SPRED2: variants seen among roughly 807,000 people sequenced by gnomAD.
SPRED2 encodes the protein sprouty related EVH1 domain containing 2, also known as sprouty-related, EVH1 domain-containing protein 2.
Under a neutral mutation model 43.0 loss-of-function variants are expected in SPRED2, and 47 were observed. The observed-to-expected ratio is 1.09, with a 90% CI of 0.87 to 1.40. SPRED2 has a LOEUF of 1.40. SPRED2 is among the 40% of genes most tolerant of loss of function. The pLI is 0.00. For synonymous variants in SPRED2, 225 were observed against 225.7 expected (o/e 1.00, Z 0.03); for missense variants, 561 against 586.4 (o/e 0.96, Z 0.45).
At chr2:65,341,541 G>T (rs563484685) in intron 2 of SPRED2, among the ~76,000 whole-genome samples, 1 of 152,146 alleles carries the variant, frequency 6.6e-6, no homozygotes, top group Non-Finnish European at 1.5e-5. Context: ...GAGCTCAAAC[G>T]CAGGCTCTGC....
chr2:65,366,778 TGA>T, intron 1 of SPRED2: 1 of 1,356,128 alleles, frequency 7.4e-7, no homozygotes, highest in South Asian at 2.0e-5. Context: ...TTGTACCGGA[TGA>T]GTCATCCGAG....
At chr2:65,409,622 A>G (rs1412385501) in intron 1 of SPRED2, among the ~76,000 whole-genome samples, 1 of 146,050 alleles carries the variant, frequency 6.8e-6, no homozygotes, top group African/African-American at 2.5e-5. Context: ...TGACATCCTC[A>G]CTTCTAGTAA....
chr2:65,431,414 C>G (rs942060696), intron 1 of SPRED2, among the ~76,000 whole-genome samples: 1 of 151,926 alleles, frequency 6.6e-6, no homozygotes, highest in Admixed American at 6.6e-5. Flanking sequence ...CACCAGACCC[C>G]CGCGCAGCCC....
intron 1 of SPRED2, among the ~76,000 whole-genome samples, chr2:65,427,964 G>A (rs34635563): frequency 0.12 from 18,373 of 152,200 alleles, 1,679 homozygotes; most frequent in Non-Finnish European, 0.17. Context: ...TATTATAATA[G>A]GGATAATAAT....
intron 1 of SPRED2, among the ~76,000 whole-genome samples, chr2:65,426,619 T>C (rs1168312116): frequency 6.6e-6 from 1 of 152,138 alleles, no homozygotes; most frequent in East Asian, 1.9e-4. Context: ...TTTGACTTGA[T>C]TTTGACTGGG....
intron 1 of SPRED2, among the ~76,000 whole-genome samples, chr2:65,423,187 T>C (rs2103802926): frequency 6.6e-6 from 1 of 152,304 alleles, no homozygotes; most frequent in East Asian, 1.9e-4. Flanking sequence ...GCCAAGTGAC[T>C]CCTAAGAGGA....
At chr2:65,378,997 C>T (rs1193289871) in intron 1 of SPRED2, among the ~76,000 whole-genome samples, 2 of 152,072 alleles carry the variant, frequency 1.3e-5, no homozygotes, top group Non-Finnish European at 2.9e-5. Context: ...TTCCTGGGAC[C>T]CCCTTGGCCT....
intron 4 of SPRED2, among the ~76,000 whole-genome samples, chr2:65,319,205 A>T (rs1319885279): frequency 6.6e-6 from 1 of 152,120 alleles, no homozygotes; most frequent in Non-Finnish European, 1.5e-5. Context: ...ATGTTTCTCT[A>T]CTTGGGTTTG....
At chr2:65,358,908 C>T (rs67453645) in intron 1 of SPRED2, among the ~76,000 whole-genome samples, 40,930 of 152,038 alleles carry the variant, frequency 0.27, 6,862 homozygotes, top group East Asian at 0.7. Context: ...AAGGGCTTTC[C>T]TATCTGGGGG....
Position 65,432,215 on chromosome 2 carries a change from T to TG in SPRED2, c.-229dup, listed in dbSNP as rs1196233887. 9.4e-6 allele frequency: 5 copies of TG among 530,732 alleles called. No individual in the cohort carries two copies. Among genetic ancestry groups the TG allele is most frequent in the Non-Finnish European group, 1.0e-5 (3 of 300,454 alleles). The allele number at this position is 530,732 out of a possible 1,614,324, so 32.9% of individuals were successfully genotyped here. A position where few individuals can be genotyped will look rare whatever the true frequency, so the allele number is the denominator to read the frequency against. ...GCGGGGAGTGAACGCCGCAGCGCCG[T>TG]GGGGAGAGGCGGGCGGAGGCTCCGG... On this transcript the variant is annotated 5_prime_UTR_variant, in exon 1 of 6. Transcript: ENST00000356388.
intron 1 of SPRED2, among the ~76,000 whole-genome samples, chr2:65,389,152 C>T (rs894108333): frequency 2.0e-5 from 3 of 152,182 alleles, no homozygotes; most frequent in African/African-American, 7.2e-5. Context: ...ATCCATCTGG[C>T]CAGGCCCGAG....
In SPRED2 at chr2:65,432,067, C is replaced by G; in HGVS notation, c.-80G>C. On this transcript the variant is annotated 5_prime_UTR_variant, in exon 1 of 6. It removes the in-frame stop codon of an upstream open reading frame in the 5' UTR. Coordinates refer to ENST00000356388, the MANE Select transcript of SPRED2 (RefSeq NM_181784.3). ...TTCCTGTCCGCTCGCCCCCCTTCTT[C>G]ACATCTCCGGAGATCGCCTGATTTG... 2 of 1,580,174 alleles carry G rather than the reference C, an allele frequency of 1.3e-6. No individual in the cohort carries two copies. The highest frequency in any genetic ancestry group is 2.2e-5 in the South Asian group (2 of 89,800).
intron 1 of SPRED2, among the ~76,000 whole-genome samples, chr2:65,413,080 C>T (rs973909172): frequency 1.3e-5 from 2 of 152,220 alleles, no homozygotes; most frequent in Admixed American, 6.5e-5. Flanking sequence ...GAACTCCTTT[C>T]CCCATCCTTG....
chr2:65,429,142 A>G (rs1249653495), intron 1 of SPRED2, among the ~76,000 whole-genome samples: 1 of 152,226 alleles, frequency 6.6e-6, no homozygotes, highest in Non-Finnish European at 1.5e-5. Flanking sequence ...TTAGAAAACA[A>G]AACATTATTT....
chr2:65,401,856 A>G (rs1675896477), intron 1 of SPRED2, among the ~76,000 whole-genome samples: 1 of 150,620 alleles, frequency 6.6e-6, no homozygotes, highest in Non-Finnish European at 1.5e-5. Flanking sequence ...ACAGTTGGTC[A>G]ATATTTTAGT....
At position 65,398,548 on chromosome 2, in the gene SPRED2, G is replaced by T. The variant is rs1675809543; in HGVS notation, c.26+33414C>A. On this transcript the variant is annotated intron_variant, in intron 1 of 5. Transcript: ENST00000356388. ...GAGAAAAAAAAAATCCCATCAAAAA[G>T]TGGGCTAAGGACGTGAATGAACAAT... Among the ~76,000 whole-genome samples, 7 of 151,828 alleles carry T rather than the reference G, an allele frequency of 4.6e-5. 1 individual carries two copies. In the South Asian group the frequency reaches 1.5e-3, roughly 32 times the overall value.
At chr2:65,309,009 A>G (rs1672996561), downstream of SPRED2, among the ~76,000 whole-genome samples, 1 of 152,094 alleles carries the variant, frequency 6.6e-6, no homozygotes, top group Non-Finnish European at 1.5e-5. Context: ...ATACAAAATT[A>G]GCCGGGTGTG....
intron 1 of SPRED2, among the ~76,000 whole-genome samples, chr2:65,353,112 G>A: frequency 6.6e-6 from 1 of 152,144 alleles, no homozygotes; most frequent in South Asian, 2.1e-4. Flanking sequence ...AACCAATTAA[G>A]CTAAAAGCCA....
chr2:65,339,893 C>T (rs1674130934), intron 2 of SPRED2, among the ~76,000 whole-genome samples: 1 of 152,058 alleles, frequency 6.6e-6, no homozygotes, highest in South Asian at 2.1e-4. Flanking sequence ...AAATATTTCT[C>T]CCCTTACTAA....
Sources: allele counts gnomAD v4.1 joint callset (sites outside exome capture counted in the v4.1 genomes callset), GRCh38; gene constraint gnomAD v4.1.1; transcripts MANE v1.5; gene names NCBI Gene and HGNC (gene_info 2026-07-23, HGNC 2026-07-21).